The following SMYD3 variants were observed in gnomAD, a reference collection of about 807,000 sequenced individuals.
SMYD3 encodes the protein SET and MYND domain containing 3, also known as histone-lysine N-methyltransferase SMYD3.
Under a neutral mutation model 57.7 loss-of-function variants are expected in SMYD3, and 36 were observed. The observed-to-expected ratio is 0.62, with a 90% confidence interval of 0.48 to 0.82. The LOEUF (loss-of-function observed/expected upper bound fraction) is 0.82. Among genes scored for constraint, SMYD3 ranks in the 40% least tolerant of loss-of-function variants. The pLI is 0.00. For synonymous variants in SMYD3, 211 were observed against 195.0 expected (o/e 1.08, Z -0.68); for missense variants, 515 against 538.8 (o/e 0.96, Z 0.44).
chr1:245,791,646 G>A (rs1031971392), intron 10 of SMYD3, among the ~76,000 whole-genome samples: 4 of 152,140 alleles, frequency 2.6e-5, no homozygotes, highest in African/African-American at 4.8e-5. Flanking sequence ...GCCTGTGCAT[G>A]CTCATGAGTA....
intron 10 of SMYD3, among the ~76,000 whole-genome samples, chr1:245,807,406 G>A (rs776362205): frequency 2.6e-5 from 4 of 152,162 alleles, no homozygotes; most frequent in Non-Finnish European, 5.9e-5. Context: ...ATTTGGCCAA[G>A]GCCAGAAAGG....
intron 5 of SMYD3, among the ~76,000 whole-genome samples, chr1:246,295,981 T>C (rs1328381872): frequency 6.6e-6 from 1 of 152,240 alleles, no homozygotes; most frequent in Non-Finnish European, 1.5e-5. Flanking sequence ...CTGTTGTATG[T>C]ATGCATGTAT....
At chr1:245,884,593 C>T (rs2052977795) in intron 8 of SMYD3, among the ~76,000 whole-genome samples, 1 of 152,048 alleles carries the variant, frequency 6.6e-6, no homozygotes, top group Admixed American at 6.6e-5. Flanking sequence ...GGGAGGTAGC[C>T]ATGTTGTCTG....
At chr1:246,129,824 T>A (rs2061562421) in intron 5 of SMYD3, among the ~76,000 whole-genome samples, 1 of 152,158 alleles carries the variant, frequency 6.6e-6, no homozygotes, top group Non-Finnish European at 1.5e-5. Flanking sequence ...CCATAGCACT[T>A]GTTAGCTAGT....
At chr1:245,919,406 G>A (rs1453139092) in intron 7 of SMYD3, among the ~76,000 whole-genome samples, 2 of 152,192 alleles carry the variant, frequency 1.3e-5, no homozygotes, top group East Asian at 1.9e-4. Flanking sequence ...CTGGCTAAGC[G>A]AGCCTCTCCT....
At chr1:245,853,724 GAA>G (rs11296267) in intron 10 of SMYD3, among the ~76,000 whole-genome samples, 9 of 151,100 alleles carry the variant, frequency 6.0e-5, no homozygotes, top group African/African-American at 2.0e-4. Context: ...AAAAAAAGGA[GAA>G]AAAAAAAATC....
At chr1:246,329,113 C>T (rs2065414223) in intron 4 of SMYD3, among the ~76,000 whole-genome samples, 1 of 152,078 alleles carries the variant, frequency 6.6e-6, no homozygotes, top group African/African-American at 2.4e-5. Context: ...GGCTTGGTTC[C>T]AAGTCTTTGC....
Position 246,155,005 on chromosome 1 carries a change from G to T in SMYD3, c.531+172196C>A, listed in dbSNP as rs189098710. 1.6e-3 allele frequency among the ~76,000 whole-genome samples: 243 copies of T among 151,884 alleles called. 1 individual carries two copies. Among genetic ancestry groups the T allele is most frequent in the African/African-American group, 5.4e-3 (225 of 41,434 alleles). ...ACCGTGTTAGCCAGGATGGTCTCGA[G>T]CTCCTGACCTTGTGATCTGCCCGCC... On this transcript the variant is annotated intron_variant, in intron 5 of 11. Coordinates refer to ENST00000490107, the MANE Select transcript of SMYD3 (RefSeq NM_001167740.2).
rs12123022 is a variant in SMYD3, at chr1:246,171,352, C to G, written c.531+155849G>C. ...TTTCTCTGATTCACCTTTGCATATC[C>G]TTTTGCTTTAAATCATAACATTTTA... On this transcript the variant is annotated intron_variant, in intron 5 of 11. Transcript: ENST00000490107. 5.9e-5 allele frequency among the ~76,000 whole-genome samples: 9 copies of G among 152,098 alleles called. No individual in the cohort carries two copies. In the South Asian group the frequency reaches 1.5e-3, roughly 25 times the overall value.
At chr1:246,248,808 ATTT>A (rs1164274725) in intron 5 of SMYD3, among the ~76,000 whole-genome samples, 11 of 90,444 alleles carry the variant, frequency 1.2e-4, no homozygotes, top group South Asian at 4.7e-4. Context: ...TGCCCGGCTA[ATTT>A]TTTTTTTTTT....
At chr1:246,063,537 C>CTCCTTCCTT (rs1207942132) in intron 5 of SMYD3, among the ~76,000 whole-genome samples, 4 of 150,042 alleles carry the variant, frequency 2.7e-5, no homozygotes, top group African/African-American at 7.4e-5. Context: ...CCTTCCTTTC[C>CTCCTTCCTT]TCCTTCCTTC....
chr1:246,313,609 G>A (rs949651097), intron 5 of SMYD3, among the ~76,000 whole-genome samples: 7 of 152,032 alleles, frequency 4.6e-5, no homozygotes, highest in African/African-American at 1.2e-4. Flanking sequence ...TTGAAATAGC[G>A]CCCATGACTG....
intron 1 of SMYD3, among the ~76,000 whole-genome samples, chr1:246,415,280 T>C (rs528047574): frequency 6.6e-6 from 1 of 152,330 alleles, no homozygotes; most frequent in Admixed American, 6.5e-5. Flanking sequence ...ATTTACCTTC[T>C]CTAGGCTTAG....
intron 1 of SMYD3, among the ~76,000 whole-genome samples, chr1:246,360,925 C>T (rs575172425): frequency 6.6e-6 from 1 of 152,096 alleles, no homozygotes; most frequent in Non-Finnish European, 1.5e-5. Context: ...AAAGCAAACG[C>T]AACAAAAGCA....
At chr1:246,247,487 T>TATATATATATATATA (rs1558347068) in intron 5 of SMYD3, among the ~76,000 whole-genome samples, 9 of 141,358 alleles carry the variant, frequency 6.4e-5, no homozygotes, top group South Asian at 4.5e-4. Context: ...ATATATATAT[T>TATATATATATATATA]TTTTAACATG....
At chr1:245,793,118 G>T (rs1437583092) in intron 10 of SMYD3, among the ~76,000 whole-genome samples, 3 of 146,948 alleles carry the variant, frequency 2.0e-5, no homozygotes, top group Admixed American at 6.8e-5. Context: ...GACCATCCTG[G>T]CTAACACGGT....
In SMYD3 at chr1:246,120,817, C is replaced by T. The variant is rs77126762; in HGVS notation, c.532-190880G>A. Among the ~76,000 whole-genome samples, 889 of 152,306 alleles carry T rather than the reference C, an allele frequency of 5.8e-3. 3 individuals are homozygous for T. Among genetic ancestry groups the T allele is most frequent in the Non-Finnish European group, 9.9e-3 (671 of 68,024 alleles). The stretch of plus-strand genomic sequence containing the variant: ...TATTTGGGGTTAGTTATGTACACAT[C>T]TGTCTTCCCTGCTAGGCTGTGAGAT... On this transcript the variant is annotated intron_variant, in intron 5 of 11. Transcript: ENST00000490107.
chr1:246,461,477 T>C (rs2067796973), intron 1 of SMYD3, among the ~76,000 whole-genome samples: 1 of 152,200 alleles, frequency 6.6e-6, no homozygotes, highest in African/African-American at 2.4e-5. Context: ...TAAACATGTT[T>C]CTATAGAAAA....
At chr1:246,125,735 T>A (rs1038314801) in intron 5 of SMYD3, among the ~76,000 whole-genome samples, 7 of 152,030 alleles carry the variant, frequency 4.6e-5, no homozygotes, top group Non-Finnish European at 8.8e-5. Flanking sequence ...AGGGATGTGA[T>A]GACGATCAGA....
Sources: gnomAD v4.1 joint callset for allele counts (sites outside exome capture counted in the v4.1 genomes callset) on GRCh38, gnomAD v4.1.1 for gene constraint, MANE v1.5 for transcripts, NCBI Gene and HGNC (gene_info 2026-07-23, HGNC 2026-07-21) for gene names.